NLGN1: variants seen among roughly 807,000 people sequenced by gnomAD.
NLGN1 encodes the protein neuroligin 1.
A neutral mutation model predicts 65.5 loss-of-function variants in NLGN1; 12 were observed. The ratio of observed to expected loss-of-function variants is 0.18; its 90% CI spans 0.12 to 0.30. The LOEUF (loss-of-function observed/expected upper bound fraction) is 0.30, where lower values mean the gene tolerates loss of function less well. Ranked by LOEUF, NLGN1 falls within the 10% of genes least tolerant of loss-of-function variation. NLGN1 has a pLI of 1.00. For missense variants in NLGN1, 750 were observed against 1,007.1 expected, an observed-to-expected ratio of 0.74 and a Z score of 3.46; for synonymous variants, 350 against 359.5, an observed-to-expected ratio of 0.97 and a Z score of 0.30.
At chr3:173,697,745 G>T (rs2149856874) in intron 3 of NLGN1, among the ~76,000 whole-genome samples, 1 of 152,156 alleles carries the variant, frequency 6.6e-6, no homozygotes, top group East Asian at 1.9e-4. Flanking sequence ...GGTCAGGCTG[G>T]TCTCGAACTC....
At chr3:173,704,098 G>A (rs1767672484) in intron 3 of NLGN1, among the ~76,000 whole-genome samples, 2 of 152,140 alleles carry the variant, frequency 1.3e-5, no homozygotes, top group Admixed American at 1.3e-4. Flanking sequence ...AGTAGCAGAT[G>A]CAGAAGCTTC....
At chr3:173,604,576 A>G in exon 3 of NLGN1, 1 of 1,610,442 alleles carries the variant, frequency 6.2e-7, no homozygotes, top group Non-Finnish European at 8.5e-7. Flanking sequence ...GTAACCAGAC[A>G]ACTAGACAAC....
At chr3:173,513,305 T>C (rs1251666878) in intron 2 of NLGN1, among the ~76,000 whole-genome samples, 1 of 152,146 alleles carries the variant, frequency 6.6e-6, no homozygotes, top group African/African-American at 2.4e-5. Context: ...GGTATGCCCC[T>C]ATGACTAATC....
At chr3:173,522,904 T>C (rs1421622771) in intron 2 of NLGN1, among the ~76,000 whole-genome samples, 1 of 152,172 alleles carries the variant, frequency 6.6e-6, no homozygotes, top group African/African-American at 2.4e-5. Context: ...ATAAGTGTTC[T>C]GTTTTCTCCT....
intron 4 of NLGN1, among the ~76,000 whole-genome samples, chr3:174,192,640 G>A (rs1170432920): frequency 6.6e-6 from 1 of 152,148 alleles, no homozygotes; most frequent in African/African-American, 2.4e-5. Flanking sequence ...CTTAGTTTGT[G>A]TGCGTGTTTC....
chr3:174,038,014 A>G (rs1731503408), intron 4 of NLGN1, among the ~76,000 whole-genome samples: 2 of 152,186 alleles, frequency 1.3e-5, no homozygotes, highest in South Asian at 4.1e-4. Flanking sequence ...AATGAATTTT[A>G]TGATACAAAT....
chr3:174,020,544 G>A (rs1256450322), intron 4 of NLGN1, among the ~76,000 whole-genome samples: 1 of 152,074 alleles, frequency 6.6e-6, no homozygotes, highest in African/African-American at 2.4e-5. Flanking sequence ...TTAAAAAGAT[G>A]TAATAAATGT....
chr3:174,036,811 G>C (rs972141507), intron 4 of NLGN1, among the ~76,000 whole-genome samples: 1 of 151,858 alleles, frequency 6.6e-6, no homozygotes. Flanking sequence ...GTGTCCATGT[G>C]TTCCCATCAT....
Position 173,426,222 on chromosome 3 carries a change from C to T in NLGN1, c.-389-8788C>T, listed in dbSNP as rs554276801. 3.9e-5 allele frequency among the ~76,000 whole-genome samples: 6 copies of T among 152,148 alleles called. No individual in the cohort carries two copies. The East Asian group carries it at 9.6e-4, about 24-fold the overall frequency. Reference sequence around the variant, plus strand: ...CATTGAATTAGTTTGTTAGTTCTAACAGGTTTTTGGTGGACTCTAGGTTTT... The same window carrying T: ...CATTGAATTAGTTTGTTAGTTCTAATAGGTTTTTGGTGGACTCTAGGTTTT... On this transcript the variant is annotated intron_variant, in intron 1 of 6. Coordinates refer to ENST00000457714, the Ensembl canonical transcript of NLGN1.
intron 2 of NLGN1, among the ~76,000 whole-genome samples, chr3:173,504,475 A>T (rs989702190): frequency 1.3e-5 from 2 of 152,098 alleles, no homozygotes; most frequent in African/African-American, 4.8e-5. Flanking sequence ...ACCTAAAAAG[A>T]GGAAAAATAG....
intron 2 of NLGN1, among the ~76,000 whole-genome samples, chr3:173,601,306 G>A (rs1212169705): frequency 6.6e-6 from 1 of 151,966 alleles, no homozygotes; most frequent in African/African-American, 2.4e-5. Context: ...GTTTGCTGCT[G>A]GCCTTTTAGG....
chr3:173,655,498 AT>A (rs1043988541), intron 3 of NLGN1, among the ~76,000 whole-genome samples: 3 of 151,974 alleles, frequency 2.0e-5, no homozygotes, highest in African/African-American at 7.2e-5. Context: ...GTATGTTATC[AT>A]TTTGAGCTAC....
intron 3 of NLGN1, among the ~76,000 whole-genome samples, chr3:173,784,573 A>C (rs1781657805): frequency 6.6e-6 from 1 of 152,144 alleles, no homozygotes; most frequent in Non-Finnish European, 1.5e-5. Flanking sequence ...AGAGACAGAA[A>C]GGCAGACAGA....
chr3:173,553,919 T>C (rs762770347), intron 2 of NLGN1, among the ~76,000 whole-genome samples: 33 of 152,104 alleles, frequency 2.2e-4, no homozygotes, highest in Non-Finnish European at 4.0e-4. Flanking sequence ...ATTTTCCCCC[T>C]GGGAATAATA....
At position 174,207,477 on chromosome 3, in the gene NLGN1, T is replaced by A. The variant is rs528937746; in HGVS notation, c.647-67838T>A. On this transcript the variant is annotated intron_variant, in intron 4 of 6. Transcript: ENST00000457714. Reference sequence around the variant, plus strand: ...ATTCTCAGCTCAATTAGAAATAAAATGAATATGTTTTTCATTACAAAGAAA... The same window carrying A: ...ATTCTCAGCTCAATTAGAAATAAAAAGAATATGTTTTTCATTACAAAGAAA... Among the ~76,000 whole-genome samples, 401 of 152,326 alleles carry A rather than the reference T, an allele frequency of 2.6e-3. 3 individuals carry two copies. Among genetic ancestry groups the A allele is most frequent in the South Asian group, 3.5e-3 (17 of 4,832 alleles).
chr3:174,194,467 A>C (rs1226520952), intron 4 of NLGN1, among the ~76,000 whole-genome samples: 2 of 151,696 alleles, frequency 1.3e-5, no homozygotes, highest in Admixed American at 1.3e-4. Context: ...AAAGAAAAAG[A>C]AAAAAAAGAA....
chr3:174,220,634 C>T (rs928550862), intron 4 of NLGN1, among the ~76,000 whole-genome samples: 10 of 152,130 alleles, frequency 6.6e-5, no homozygotes, highest in African/African-American at 2.4e-4. Flanking sequence ...CTTTATTCCT[C>T]TTTCATTTTT....
chr3:174,139,522 A>G (rs181058003), intron 4 of NLGN1, among the ~76,000 whole-genome samples: 4 of 152,214 alleles, frequency 2.6e-5, no homozygotes, highest in Non-Finnish European at 5.9e-5. Flanking sequence ...CTTCTACTGA[A>G]GGACATCTTG....
chr3:173,412,876 T>A (rs1712885137), intron 1 of NLGN1, among the ~76,000 whole-genome samples: 1 of 152,306 alleles, frequency 6.6e-6, no homozygotes. Flanking sequence ...GGCCTGATTG[T>A]GATAAGGCCT....
Sources: gnomAD v4.1 joint callset for allele counts (sites outside exome capture counted in the v4.1 genomes callset) on GRCh38, gnomAD v4.1.1 for gene constraint, MANE v1.5 for transcripts, NCBI Gene and HGNC (gene_info 2026-07-23, HGNC 2026-07-21) for gene names.